Variants in INPP5B observed in about 807,000 individuals in gnomAD.
INPP5B encodes inositol polyphosphate-5-phosphatase B.
A neutral mutation model predicts 118.5 loss-of-function variants in INPP5B; 90 were observed. That is an observed-to-expected ratio of 0.76 (90% CI 0.64 to 0.90). The LOEUF is 0.90. Ranked by LOEUF, INPP5B falls within the 40% of genes least tolerant of loss-of-function variation. The pLI, the probability that INPP5B is intolerant of heterozygous loss-of-function variation, is 0.00. For synonymous variants in INPP5B, 385 were observed against 418.9 expected (o/e 0.92, Z 0.99); for missense variants, 984 against 1,125.6 (o/e 0.87, Z 1.80).
Position 37,940,686 on chromosome 1 carries a change from A to G in INPP5B, c.391+2T>C. The G allele has an allele frequency of 6.2e-7, 1 of 1,603,980 alleles. No individual in the cohort carries two copies. The stretch of plus-strand genomic sequence containing the variant: ...CCCCAGGGAGCCTGGGGTCTTACCT[A>G]CCTGGACAGGCCCTGGCAACTTCGT... On this transcript the variant is annotated splice_donor_variant, in intron 6 of 23. Coordinates refer to ENST00000373024, the MANE Select transcript of INPP5B (RefSeq NM_005540.3). LOFTEE classifies it high-confidence loss of function.
rs536593560 is a variant in INPP5B, at chr1:37,862,057, T to TA, written c.*257dup. The TA allele has an allele frequency of 2.1e-4, 80 of 376,764 alleles. No homozygotes were observed. The Middle Eastern group carries it at 2.1e-3, about 10-fold the overall frequency. The allele number at this position is 376,764 out of a possible 1,614,324, so 23.3% of individuals were successfully genotyped here. On this transcript the variant is annotated 3_prime_UTR_variant, in exon 24 of 24. Coordinates refer to ENST00000373024, the MANE Select transcript of INPP5B (RefSeq NM_005540.3). ...TCTCAAAATAAAAAAAAATAAAAAATAAAAAAATCTGTGTTAAATAACTAA... is the reference window on the plus strand; with the variant it reads ...TCTCAAAATAAAAAAAAATAAAAAATAAAAAAAATCTGTGTTAAATAACTAA...
intron 23 of INPP5B, 125 bp downstream of exon 23, chr1:37,864,187 A>C (rs369428168): frequency 1.6e-6 from 1 of 613,358 alleles, no homozygotes; most frequent in East Asian, 2.8e-5. Context: ...TGCTTTAAAA[A>C]ATCTTTGCCC....
intron 7 of INPP5B, chr1:37,931,708 G>C (rs2148663835): frequency 1.3e-6 from 2 of 1,546,368 alleles, no homozygotes; most frequent in East Asian, 2.4e-5. Context: ...GGCGGCGGCA[G>C]ACATTTCCCT....
chr1:37,898,555 A>T (rs1216271288), intron 7 of INPP5B, among the ~76,000 whole-genome samples: 1 of 152,000 alleles, frequency 6.6e-6, no homozygotes, highest in East Asian at 1.9e-4. Flanking sequence ...TTTAGCCGGG[A>T]GCGGTGGCAG....
intron 7 of INPP5B, among the ~76,000 whole-genome samples, chr1:37,899,286 C>G (rs1054005430): frequency 6.6e-6 from 1 of 151,262 alleles, no homozygotes; most frequent in African/African-American, 2.4e-5. Context: ...TGAGGCCAGA[C>G]GCAGTGGCTC....
At chr1:37,916,362 G>A (rs1415840272) in intron 7 of INPP5B, among the ~76,000 whole-genome samples, 2 of 151,320 alleles carry the variant, frequency 1.3e-5, no homozygotes, top group Non-Finnish European at 2.9e-5. Context: ...CCAAAATGCT[G>A]AGATTACAGG....
intron 8 of INPP5B, 132 bp from the exon 9 acceptor site, chr1:37,889,856 T>C (rs1643742096): frequency 3.4e-6 from 2 of 582,730 alleles, no homozygotes; most frequent in Non-Finnish European, 6.0e-6. Context: ...GTAAAATTTA[T>C]CTACTAAAAC....
chr1:37,923,164 G>A (rs994444554), intron 7 of INPP5B, among the ~76,000 whole-genome samples: 1 of 152,086 alleles, frequency 6.6e-6, no homozygotes, highest in African/African-American at 2.4e-5. Flanking sequence ...GACATTTTTT[G>A]AGCACCTACT....
intron 17 of INPP5B, 29 bp from the exon 18 acceptor site, chr1:37,874,184 C>G (rs373106207): frequency 4.0e-6 from 6 of 1,504,614 alleles, no homozygotes; most frequent in East Asian, 2.3e-5. Flanking sequence ...CCAGTGAAAA[C>G]CAGTGCCCTT....
chr1:37,908,453 C>T (rs931659999), intron 7 of INPP5B, among the ~76,000 whole-genome samples: 32 of 152,222 alleles, frequency 2.1e-4, no homozygotes, highest in African/African-American at 5.3e-4. Flanking sequence ...GACAAGGAGA[C>T]GGCCAGGTGC....
At chr1:37,931,471 C>G in intron 7 of INPP5B, 1 of 1,532,772 alleles carries the variant, frequency 6.5e-7, no homozygotes, top group Middle Eastern at 1.7e-4. Context: ...CCCATTCCCA[C>G]CCGCCTACCC....
intron 7 of INPP5B, among the ~76,000 whole-genome samples, chr1:37,924,230 G>A (rs553296178): frequency 1.8e-4 from 27 of 151,560 alleles, no homozygotes; most frequent in Non-Finnish European, 2.5e-4. Flanking sequence ...GTGCAGTGGC[G>A]TGATCTCGGC....
intron 5 of INPP5B, chr1:37,941,937 C>CAAAAAA: frequency 7.7e-5 from 1 of 12,912 alleles, no homozygotes; most frequent in South Asian, 2.0e-3. Context: ...GACTCCGTCT[C>CAAAAAA]AAAAAAAAAA....
intron 19 of INPP5B, chr1:37,870,132 T>C (rs1000726751): frequency 6.6e-6 from 1 of 152,032 alleles, no homozygotes; most frequent in African/African-American, 2.4e-5. Flanking sequence ...ATTTTAGAAT[T>C]CATGGCTGAG....
At chr1:37,936,385 C>T (rs903457080) in intron 6 of INPP5B, among the ~76,000 whole-genome samples, 12 of 152,190 alleles carry the variant, frequency 7.9e-5, no homozygotes, top group African/African-American at 2.9e-4. Flanking sequence ...CTTTGGGAGG[C>T]CGAGGCGGGC....
chr1:37,863,896 C>G (rs1641865731), intron 23 of INPP5B, among the ~76,000 whole-genome samples: 1 of 150,446 alleles, frequency 6.6e-6, no homozygotes, highest in Admixed American at 6.6e-5. Flanking sequence ...GTCACTGCAG[C>G]CTCCGCCTCC....
At chr1:37,885,617 G>A (rs761061000) in intron 13 of INPP5B, 21 bp downstream of exon 13, 1 of 1,610,094 alleles carries the variant, frequency 6.2e-7, no homozygotes, top group African/African-American at 1.3e-5. Flanking sequence ...TGAACCGCAT[G>A]GGGTGGAAGC....
chr1:37,941,701 G>A (rs1323673918), intron 5 of INPP5B, among the ~76,000 whole-genome samples: 1 of 150,388 alleles, frequency 6.6e-6, no homozygotes, highest in East Asian at 2.0e-4. Context: ...CACTTTGGGA[G>A]GCCGAGGCGG....
At chr1:37,893,271 G>A (rs893926826) in intron 7 of INPP5B, among the ~76,000 whole-genome samples, 2 of 151,432 alleles carry the variant, frequency 1.3e-5, no homozygotes, top group Non-Finnish European at 2.9e-5. Flanking sequence ...TTTTTGTAGA[G>A]ATGGAGTTTT....
Sources: gnomAD v4.1 joint callset for allele counts (sites outside exome capture counted in the v4.1 genomes callset) on GRCh38, gnomAD v4.1.1 for gene constraint, MANE v1.5 for transcripts, NCBI Gene and HGNC (gene_info 2026-07-23, HGNC 2026-07-21) for gene names.